Variants in KDM4C observed in about 807,000 individuals in gnomAD.
The protein encoded by KDM4C is lysine demethylase 4C.
In KDM4C, 81 loss-of-function variants were observed where a neutral mutation model predicts 129.3. That is an observed-to-expected ratio of 0.63 (90% CI 0.52 to 0.75). The LOEUF (loss-of-function observed/expected upper bound fraction) is 0.75. Among genes scored for constraint, KDM4C ranks in the 30% least tolerant of loss-of-function variants. The pLI is 0.00. For missense variants in KDM4C, 1,457 were observed against 1,304.0 expected (o/e 1.12, Z -1.81); for synonymous variants, 573 against 456.1 (o/e 1.26, Z -3.26).
chr9:7,138,243 C>A (rs1587829503), intron 19 of KDM4C, among the ~76,000 whole-genome samples: 1 of 152,112 alleles, frequency 6.6e-6, no homozygotes, highest in East Asian at 1.9e-4. Flanking sequence ...GAAGCTATTG[C>A]CTGCTATAAT....
chr9:7,017,596 C>T (rs1421699955), intron 15 of KDM4C, among the ~76,000 whole-genome samples: 1 of 152,072 alleles, frequency 6.6e-6, no homozygotes, highest in African/African-American at 2.4e-5. Flanking sequence ...CTTAATTTTT[C>T]TTAAAAATTG....
At chr9:6,824,638 CAAAAA>C (rs144032826) in intron 4 of KDM4C, among the ~76,000 whole-genome samples, 1 of 127,072 alleles carries the variant, frequency 7.9e-6, no homozygotes, top group Non-Finnish European at 1.8e-5. Flanking sequence ...GACTCCGTCT[CAAAAA>C]AAAAAAAAAA....
intron 12 of KDM4C, among the ~76,000 whole-genome samples, chr9:7,002,576 G>A (rs1211117851): frequency 6.6e-6 from 1 of 152,102 alleles, no homozygotes; most frequent in Non-Finnish European, 1.5e-5. Flanking sequence ...TCCTTCTGGT[G>A]CCATGTTGAC....
intron 1 of KDM4C, among the ~76,000 whole-genome samples, chr9:6,759,960 AATAT>A (rs754007417): frequency 8.7e-6 from 1 of 114,882 alleles, no homozygotes; most frequent in Non-Finnish European, 1.9e-5. Flanking sequence ...AAAAAGTAAA[AATAT>A]AAATAAATAA....
At chr9:6,902,276 A>G (rs1817541974) in intron 8 of KDM4C, among the ~76,000 whole-genome samples, 1 of 152,174 alleles carries the variant, frequency 6.6e-6, no homozygotes, top group Non-Finnish European at 1.5e-5. Context: ...GATCAAGTAA[A>G]CATGCCCAGT....
chr9:7,130,673 G>A (rs972495942), intron 19 of KDM4C, among the ~76,000 whole-genome samples: 1 of 152,230 alleles, frequency 6.6e-6, no homozygotes, highest in African/African-American at 2.4e-5. Context: ...TGCCCTGGAG[G>A]GGGGCAGGTA....
intron 1 of KDM4C, among the ~76,000 whole-genome samples, chr9:6,765,602 AG>A (rs1323008424): frequency 6.6e-6 from 1 of 152,224 alleles, no homozygotes; most frequent in African/African-American, 2.4e-5. Context: ...ACTATAGTAT[AG>A]GTGCTCAACG....
intron 1 of KDM4C, among the ~76,000 whole-genome samples, chr9:6,725,281 C>G (rs775883244): frequency 6.6e-6 from 1 of 151,384 alleles, no homozygotes; most frequent in Non-Finnish European, 1.5e-5. Flanking sequence ...TAACTTGCAG[C>G]AACTGAGGGT....
chr9:6,849,290 G>A (rs1443740447), intron 4 of KDM4C, among the ~76,000 whole-genome samples: 2 of 152,184 alleles, frequency 1.3e-5, no homozygotes, highest in Non-Finnish European at 2.9e-5. Flanking sequence ...CTACCAGATA[G>A]TTGTATGGAA....
At chr9:6,990,290 A>C (rs1211728072) in intron 11 of KDM4C, 126 bp from the exon 12 acceptor site, 13 of 687,534 alleles carry the variant, frequency 1.9e-5, no homozygotes, top group Non-Finnish European at 2.6e-5. Context: ...CTAGTTCCCC[A>C]AGAGGTAAAC....
chr9:7,105,498 C>T (rs1450482357), intron 18 of KDM4C: 1 of 470,202 alleles, frequency 2.1e-6, no homozygotes, highest in East Asian at 7.0e-5. Flanking sequence ...TGAACTGGGC[C>T]ACGTGAGTAG....
intron 8 of KDM4C, among the ~76,000 whole-genome samples, chr9:6,943,654 G>C (rs7867363): frequency 0.095 from 14,213 of 150,368 alleles, 2,022 homozygotes; most frequent in African/African-American, 0.31. Flanking sequence ...CAGTCTGGGC[G>C]ACATAGGGAA....
chr9:6,770,993 C>G (rs1390187732), intron 1 of KDM4C, among the ~76,000 whole-genome samples: 1 of 150,012 alleles, frequency 6.7e-6, no homozygotes, highest in Non-Finnish European at 1.5e-5. Flanking sequence ...CCAAGCTGGT[C>G]TCAAACTCCT....
chr9:7,092,640 C>T (rs910282148), intron 17 of KDM4C, among the ~76,000 whole-genome samples: 1 of 152,124 alleles, frequency 6.6e-6, no homozygotes, highest in Admixed American at 6.5e-5. Flanking sequence ...CTTCTGTGGG[C>T]TTCTTATTGA....
chr9:7,100,329 A>G (rs771252013), intron 17 of KDM4C, among the ~76,000 whole-genome samples: 2 of 152,120 alleles, frequency 1.3e-5, no homozygotes, highest in African/African-American at 2.4e-5. Flanking sequence ...AAATCTCAGT[A>G]TGCATAAAGA....
upstream of KDM4C, chr9:6,757,711 C>T (rs2130346972): frequency 4.1e-6 from 4 of 985,494 alleles, no homozygotes; most frequent in South Asian, 4.7e-5. Flanking sequence ...CCCTGCGGGA[C>T]CCCAGCCAGC....
intron 3 of KDM4C, among the ~76,000 whole-genome samples, chr9:6,811,079 G>C (rs937696086): frequency 6.6e-6 from 1 of 152,174 alleles, no homozygotes; most frequent in African/African-American, 2.4e-5. Flanking sequence ...ACACAGAGCT[G>C]TGCCAGGATC....
chr9:7,110,401 C>A (rs1838186614), intron 18 of KDM4C, among the ~76,000 whole-genome samples: 1 of 152,088 alleles, frequency 6.6e-6, no homozygotes, highest in South Asian at 2.1e-4. Flanking sequence ...ATCCAATTCT[C>A]CTGGCTTTAA....
intron 8 of KDM4C, among the ~76,000 whole-genome samples, chr9:6,979,821 G>T (rs934961417): frequency 6.6e-6 from 1 of 152,126 alleles, no homozygotes; most frequent in Non-Finnish European, 1.5e-5. Flanking sequence ...ATTTTTAGGG[G>T]TGAAGACATA....
Sources: gnomAD v4.1 joint callset for allele counts (sites outside exome capture counted in the v4.1 genomes callset) on GRCh38, gnomAD v4.1.1 for gene constraint, MANE v1.5 for transcripts, NCBI Gene and HGNC (gene_info 2026-07-23, HGNC 2026-07-21) for gene names.